The following NCAM2 variants were observed in gnomAD, a reference collection of about 807,000 sequenced individuals.
NCAM2 encodes the protein neural cell adhesion molecule 2, also known as N-CAM-2.
Under a neutral mutation model 98.1 loss-of-function variants are expected in NCAM2, and 30 were observed. The ratio of observed to expected loss-of-function variants is 0.31; its 90% CI spans 0.23 to 0.41. NCAM2 has a LOEUF of 0.41. NCAM2 is among the 10% of genes least tolerant of loss of function. The pLI is 1.00. For synonymous variants in NCAM2, 368 were observed against 342.4 expected, an observed-to-expected ratio of 1.07 and a Z score of -0.83; for missense variants, 867 against 1,005.8, an observed-to-expected ratio of 0.86 and a Z score of 1.87.
chr21:21,295,799 A>C (rs9974299), intron 5 of NCAM2, among the ~76,000 whole-genome samples: 6,304 of 151,134 alleles, frequency 0.042, 241 homozygotes, highest in East Asian at 0.19. Context: ...CACACACACA[A>C]AAACAGACAA....
chr21:21,060,570 A>T (rs80308341), intron 1 of NCAM2, among the ~76,000 whole-genome samples: 1 of 152,166 alleles, frequency 6.6e-6, no homozygotes, highest in Non-Finnish European at 1.5e-5. Flanking sequence ...ATAATACTTA[A>T]TGCTAATTAA....
chr21:20,999,315 T>G (rs1601044256), intron 1 of NCAM2, among the ~76,000 whole-genome samples: 1 of 151,980 alleles, frequency 6.6e-6, no homozygotes, highest in Admixed American at 6.5e-5. Flanking sequence ...AGAGGATTTT[T>G]GGGGTTGTGG....
chr21:21,481,000 C>T (rs1985830838), intron 15 of NCAM2, among the ~76,000 whole-genome samples: 1 of 152,038 alleles, frequency 6.6e-6, no homozygotes, highest in African/African-American at 2.4e-5. Context: ...GATATGTGGG[C>T]GTATGGAAAT....
At chr21:21,094,161 T>C (rs1050100180) in intron 1 of NCAM2, among the ~76,000 whole-genome samples, 1 of 151,938 alleles carries the variant, frequency 6.6e-6, no homozygotes, top group African/African-American at 2.4e-5. Context: ...TACCAGGCTG[T>C]ACATGCTGAA....
chr21:21,333,535 G>A (rs565092756), intron 6 of NCAM2, among the ~76,000 whole-genome samples: 1 of 152,266 alleles, frequency 6.6e-6, no homozygotes, highest in South Asian at 2.1e-4. Flanking sequence ...CAAACATTTA[G>A]CACAATGTTT....
rs190492335 is a variant in NCAM2, at chr21:21,104,484, C to T, written c.55+105866C>T. On this transcript the variant is annotated intron_variant, in intron 1 of 17. Transcript: ENST00000400546. ...ATCTGCCAAGCATTTGTTTCATGCACGACAGTGAACAATGTAAATATTCTT... is the reference window on the plus strand; with the variant it reads ...ATCTGCCAAGCATTTGTTTCATGCATGACAGTGAACAATGTAAATATTCTT... Among the ~76,000 whole-genome samples the T allele has an allele frequency of 2.0e-3, 309 of 152,064 alleles. 3 individuals are homozygous for T. The highest frequency in any genetic ancestry group is 3.1e-3 in the South Asian group (15 of 4,814).
At chr21:21,058,602 G>A (rs965853164) in intron 1 of NCAM2, among the ~76,000 whole-genome samples, 1 of 151,236 alleles carries the variant, frequency 6.6e-6, no homozygotes, top group Non-Finnish European at 1.5e-5. Flanking sequence ...TGTTTTGAAT[G>A]CTTTTGTTTT....
At chr21:21,181,289 T>C (rs1601584907) in intron 1 of NCAM2, among the ~76,000 whole-genome samples, 1 of 152,280 alleles carries the variant, frequency 6.6e-6, no homozygotes, top group East Asian at 1.9e-4. Context: ...TTTAATAGTT[T>C]CCTCTGTAAA....
intron 1 of NCAM2, among the ~76,000 whole-genome samples, chr21:21,271,772 G>A (rs1601829694): frequency 1.3e-5 from 2 of 152,234 alleles, no homozygotes; most frequent in Admixed American, 6.5e-5. Flanking sequence ...GGGGCCTTTA[G>A]CAAAATTTCC....
intron 1 of NCAM2, among the ~76,000 whole-genome samples, chr21:21,262,601 C>A (rs1392744500): frequency 6.7e-6 from 1 of 149,186 alleles, no homozygotes. Context: ...AACAGAATAT[C>A]CTCTCTCACC....
chr21:21,251,705 C>G (rs1015707172), intron 1 of NCAM2, among the ~76,000 whole-genome samples: 1 of 148,968 alleles, frequency 6.7e-6, no homozygotes, highest in African/African-American at 2.5e-5. Context: ...ACCACGCTGT[C>G]TTCTACAATG....
chr21:21,409,193 A>G (rs959277972), intron 9 of NCAM2, among the ~76,000 whole-genome samples: 1 of 152,140 alleles, frequency 6.6e-6, no homozygotes, highest in Admixed American at 6.5e-5. Flanking sequence ...GAGAGGTTAC[A>G]ATATTTGGCA....
intron 1 of NCAM2, among the ~76,000 whole-genome samples, chr21:21,112,553 C>T (rs191866746): frequency 6.6e-6 from 1 of 152,270 alleles, no homozygotes; most frequent in East Asian, 1.9e-4. Context: ...TCAGGTCCTT[C>T]TCATCCGTCA....
At chr21:21,239,153 A>G (rs1367616759) in intron 1 of NCAM2, among the ~76,000 whole-genome samples, 1 of 152,194 alleles carries the variant, frequency 6.6e-6, no homozygotes, top group Non-Finnish European at 1.5e-5. Flanking sequence ...ATTTATGCAA[A>G]CAGCAAAATC....
intron 1 of NCAM2, among the ~76,000 whole-genome samples, chr21:21,122,971 C>G (rs952568783): frequency 6.6e-6 from 1 of 152,190 alleles, no homozygotes; most frequent in Non-Finnish European, 1.5e-5. Context: ...CCTCAGCTGA[C>G]TTCTTCCTTA....
chr21:21,105,772 A>G (rs916478600), intron 1 of NCAM2, among the ~76,000 whole-genome samples: 15 of 152,124 alleles, frequency 9.9e-5, no homozygotes, highest in Non-Finnish European at 1.3e-4. Flanking sequence ...CCAATCTGCA[A>G]AGTCCATACG....
In NCAM2 at chr21:21,320,810, C is replaced by T. The variant is rs1049999558; in HGVS notation, c.620-3573C>T. 2.6e-5 allele frequency among the ~76,000 whole-genome samples: 4 copies of T among 152,198 alleles called. No homozygotes were observed. In the Middle Eastern group the frequency reaches 0.01, roughly 388 times the overall value. ...TGTAAATTGAAAAATGAGGGTACTTCATTTGTTATCAAAGGAAGGTTCTTA... is the reference window on the plus strand; with the variant it reads ...TGTAAATTGAAAAATGAGGGTACTTTATTTGTTATCAAAGGAAGGTTCTTA... On this transcript the variant is annotated intron_variant, in intron 5 of 17. Transcript: ENST00000400546.
intron 1 of NCAM2, among the ~76,000 whole-genome samples, chr21:21,257,463 C>T (rs952726815): frequency 6.6e-6 from 1 of 152,122 alleles, no homozygotes; most frequent in African/African-American, 2.4e-5. Context: ...TCATCTGAGA[C>T]AGTAAGAACC....
chr21:21,311,507 A>AT (rs991641740), intron 5 of NCAM2, among the ~76,000 whole-genome samples: 18 of 151,640 alleles, frequency 1.2e-4, no homozygotes, highest in Non-Finnish European at 2.2e-4. Context: ...CGCCCAGCTA[A>AT]TTTTTTTGTA....
Sources: gnomAD v4.1 joint callset for allele counts (sites outside exome capture counted in the v4.1 genomes callset) on GRCh38, gnomAD v4.1.1 for gene constraint, MANE v1.5 for transcripts, NCBI Gene and HGNC (gene_info 2026-07-23, HGNC 2026-07-21) for gene names.